Variants in ANKRD45 observed in about 807,000 individuals in gnomAD.
The protein encoded by ANKRD45 is ankyrin repeat domain-containing protein 45.
ANKRD45 carries 21 observed loss-of-function variants against 28.1 expected under a neutral mutation model. The observed-to-expected ratio is 0.75, with a 90% CI of 0.53 to 1.08. The LOEUF (loss-of-function observed/expected upper bound fraction) is 1.08. Among genes scored for constraint, ANKRD45 ranks in the 50% least tolerant of loss-of-function variants. The pLI is 0.00. For synonymous variants in ANKRD45, 86 were observed against 103.9 expected (o/e 0.83, Z 1.05); for missense variants, 261 against 308.7 (o/e 0.85, Z 1.16).
At chr1:173,654,384 G>C (rs183666892) in intron 2 of ANKRD45, among the ~76,000 whole-genome samples, 16 of 152,236 alleles carry the variant, frequency 1.1e-4, no homozygotes, top group African/African-American at 3.9e-4. Context: ...ATGTAATTCT[G>C]GGTTGAAAAT....
intron 5 of ANKRD45, among the ~76,000 whole-genome samples, chr1:173,613,639 G>C (rs1299021347): frequency 1.3e-5 from 2 of 149,652 alleles, no homozygotes; most frequent in East Asian, 4.0e-4. Context: ...CCCCGTCCGG[G>C]AGGGAGGAGG....
chr1:173,627,273 A>T (rs1020671795), intron 3 of ANKRD45, 114 bp from the exon 4 acceptor site: 3 of 688,528 alleles, frequency 4.4e-6, no homozygotes, highest in African/African-American at 1.9e-5. Context: ...CCAAATTGAA[A>T]AACTATCCAT....
At chr1:173,706,461 C>T in the ANKRD45 span, among the ~76,000 whole-genome samples, 103 of 151,840 alleles carry the variant, frequency 6.8e-4, no homozygotes, top group African/African-American at 2.3e-3. Context: ...GCCTCAGCCT[C>T]CCAAGTAGCT....
At chr1:173,713,422 C>T in the ANKRD45 span, among the ~76,000 whole-genome samples, 1 of 152,158 alleles carries the variant, frequency 6.6e-6, no homozygotes, top group African/African-American at 2.4e-5. Context: ...TACAGTCCTT[C>T]CCCAAAACTC....
At chr1:173,653,197 T>G (rs570018686) in intron 2 of ANKRD45, among the ~76,000 whole-genome samples, 21 of 152,230 alleles carry the variant, frequency 1.4e-4, no homozygotes, top group Admixed American at 1.2e-3. Flanking sequence ...GTTAGGGTGT[T>G]AATTTTAGAT....
chr1:173,624,744 T>TCA, intron 5 of ANKRD45, 43 bp downstream of exon 5: 4 of 1,573,454 alleles, frequency 2.5e-6, no homozygotes, highest in Non-Finnish European at 3.5e-6. Context: ...AACTTAATTT[T>TCA]CATCCCTTCT....
chr1:173,679,165 T>C, the ANKRD45 span, among the ~76,000 whole-genome samples: 1 of 152,132 alleles, frequency 6.6e-6, no homozygotes, highest in Non-Finnish European at 1.5e-5. Context: ...CAAGCTACCA[T>C]TGACTTTCTT....
chr1:173,697,180 C>G, the ANKRD45 span, among the ~76,000 whole-genome samples: 11 of 152,154 alleles, frequency 7.2e-5, no homozygotes, highest in African/African-American at 2.4e-4. Context: ...AAGACCAAAT[C>G]TACATTTGAT....
chr1:173,628,864 G>A (rs888632182), intron 3 of ANKRD45, among the ~76,000 whole-genome samples: 1 of 152,158 alleles, frequency 6.6e-6, no homozygotes, highest in Non-Finnish European at 1.5e-5. Flanking sequence ...CTGACCCAGG[G>A]CAGTCCTAGT....
chr1:173,696,409 T>G, the ANKRD45 span, among the ~76,000 whole-genome samples: 2 of 152,260 alleles, frequency 1.3e-5, no homozygotes, highest in African/African-American at 4.8e-5. Context: ...GTTTTAGGTC[T>G]CACATTTAAG....
intron 2 of ANKRD45, chr1:173,657,388 A>G: frequency 3.7e-6 from 1 of 269,096 alleles, no homozygotes. Flanking sequence ...GAATTGCTTG[A>G]ACCCAGGAGG....
chr1:173,615,245 C>T lies in ANKRD45; in HGVS notation c.731-5030G>A, dbSNP rs1304415552. ...ACTAAAAATGCAAAAATTAGCTGGGCGCGGTGGCACGTGCCTGTAATCCCA... is the reference window on the plus strand; with the variant it reads ...ACTAAAAATGCAAAAATTAGCTGGGTGCGGTGGCACGTGCCTGTAATCCCA... On this transcript the variant is annotated intron_variant, in intron 5 of 5. Coordinates refer to ENST00000333279, the MANE Select transcript of ANKRD45 (RefSeq NM_198493.3). 4.6e-5 allele frequency among the ~76,000 whole-genome samples: 7 copies of T among 151,854 alleles called. No homozygotes were observed. The East Asian group carries it at 9.7e-4, about 21-fold the overall frequency.
intron 5 of ANKRD45, among the ~76,000 whole-genome samples, chr1:173,618,193 G>T (rs1014615496): frequency 6.6e-6 from 1 of 152,200 alleles, no homozygotes; most frequent in African/African-American, 2.4e-5. Context: ...AGATGAGAAA[G>T]AATCAATGCA....
At chr1:173,705,434 A>G in the ANKRD45 span, among the ~76,000 whole-genome samples, 1 of 151,360 alleles carries the variant, frequency 6.6e-6, no homozygotes, top group Non-Finnish European at 1.5e-5. Flanking sequence ...GAGCCTAGGC[A>G]GGTGGATTGC....
At chr1:173,707,849 A>G in the ANKRD45 span, among the ~76,000 whole-genome samples, 1 of 152,184 alleles carries the variant, frequency 6.6e-6, no homozygotes, top group Non-Finnish European at 1.5e-5. Context: ...AGTCTAACTC[A>G]TTATATAAGG....
chr1:173,640,292 C>G (rs1366006295), intron 3 of ANKRD45, among the ~76,000 whole-genome samples: 1 of 151,998 alleles, frequency 6.6e-6, no homozygotes, highest in Non-Finnish European at 1.5e-5. Flanking sequence ...ACTAGAATTT[C>G]CAGCACACCA....
rs1021810135 is a variant in ANKRD45, at chr1:173,624,787, A to G, written c.730T>C (p.Cys244Arg). ...TPIFTKMTTP[C>R]QVKSAKSVTS... ...AAACCACCTTTTATCCAAAACTTAC[A>G]TGGTGTAGTCATTTTTGTGAAGATA... Residue 244 changes from cysteine (C) to arginine (R), a missense_variant and splice_region_variant, in exon 5 of 6, where the codon TGT becomes CGT. Transcript: ENST00000333279. 9.9e-6 allele frequency: 16 copies of G among 1,611,368 alleles called. No individual in the cohort carries two copies. Among genetic ancestry groups the G allele is most frequent in the Admixed American group, 1.7e-5 (1 of 59,418 alleles).
intron 3 of ANKRD45, among the ~76,000 whole-genome samples, chr1:173,643,623 A>G (rs1439525323): frequency 1.3e-5 from 2 of 152,104 alleles, no homozygotes; most frequent in African/African-American, 4.8e-5. Context: ...TGTTTTTTTA[A>G]TTTCAGACTT....
the ANKRD45 span, among the ~76,000 whole-genome samples, chr1:173,693,881 G>T: frequency 6.6e-6 from 1 of 152,194 alleles, no homozygotes; most frequent in Non-Finnish European, 1.5e-5. Context: ...CTGCCCATCA[G>T]TAACTTTTAT....
Sources: allele counts gnomAD v4.1 joint callset (sites outside exome capture counted in the v4.1 genomes callset), GRCh38; gene constraint gnomAD v4.1.1; transcripts MANE v1.5; gene names NCBI Gene and HGNC (gene_info 2026-07-23, HGNC 2026-07-21).